LAMP1: variants seen among roughly 807,000 people sequenced by gnomAD.
The protein encoded by LAMP1 is lysosome-associated membrane glycoprotein 1.
Under a neutral mutation model 37.5 loss-of-function variants are expected in LAMP1, and 7 were observed. The ratio of observed to expected loss-of-function variants is 0.19; its 90% CI spans 0.11 to 0.35. LAMP1 has a LOEUF of 0.35. Among genes scored for constraint, LAMP1 ranks in the 10% least tolerant of loss-of-function variants. LAMP1 has a pLI of 1.00. For synonymous variants in LAMP1, 236 were observed against 229.1 expected, an observed-to-expected ratio of 1.03 and a Z score of -0.27; for missense variants, 537 against 552.8, an observed-to-expected ratio of 0.97 and a Z score of 0.29.
intron 1 of LAMP1, among the ~76,000 whole-genome samples, chr13:113,302,061 C>T (rs2042577720): frequency 6.7e-6 from 1 of 150,184 alleles, no homozygotes; most frequent in Admixed American, 6.6e-5. Flanking sequence ...AGGGTTTCTC[C>T]ATGTTTGGTC....
In LAMP1 at chr13:113,323,339, A is replaced by G. The variant is rs554014622; in HGVS notation, c.*918A>G. ...AATGTGAGATCGGTGCGTTCTCCTG[A>G]TGTTTTGCCGTGGCTTGGGGATTGT... On this transcript the variant is annotated 3_prime_UTR_variant, in exon 9 of 9. Transcript: ENST00000332556. The G allele has an allele frequency of 2.2e-4, 34 of 151,774 alleles. No individual in the cohort carries two copies. The highest frequency in any genetic ancestry group is 3.5e-4 in the Non-Finnish European group (24 of 67,928). The allele number at this position is 151,774 out of a possible 1,614,324, so 9.4% of individuals were successfully genotyped here.
chr13:113,301,638 AAAAAAAATATATATATATATAT>A (rs1428615560), intron 1 of LAMP1, among the ~76,000 whole-genome samples: 322 of 28,956 alleles, frequency 0.011, 19 homozygotes, highest in Middle Eastern at 0.031. Flanking sequence ...AAAAAAAAAA[AAAAAAAATATATATATATATAT>A]ATATATATAT....
chr13:113,298,671 A>G (rs2042555184), intron 1 of LAMP1, among the ~76,000 whole-genome samples: 1 of 152,232 alleles, frequency 6.6e-6, no homozygotes, highest in Non-Finnish European at 1.5e-5. Context: ...GAATAGCCAC[A>G]GAGATGAACT....
intron 1 of LAMP1, among the ~76,000 whole-genome samples, chr13:113,303,432 C>T (rs2042583834): frequency 6.6e-6 from 1 of 152,160 alleles, no homozygotes; most frequent in Non-Finnish European, 1.5e-5. Context: ...CCAGGGTGCC[C>T]ACCTTGGAGA....
intron 4 of LAMP1, among the ~76,000 whole-genome samples, chr13:113,312,895 T>A (rs1355564971): frequency 6.6e-6 from 1 of 152,046 alleles, no homozygotes; most frequent in Non-Finnish European, 1.5e-5. Flanking sequence ...GCGTAACACA[T>A]GGGGGTGACT....
At position 113,313,112 on chromosome 13, in the gene LAMP1, C is replaced by T. The variant is rs141769715; in HGVS notation, c.562+2245C>T. On this transcript the variant is annotated intron_variant, in intron 4 of 8. Coordinates refer to ENST00000332556, the MANE Select transcript of LAMP1 (RefSeq NM_005561.4). ...CACGGTTGCAGAACGTGTCTCCTCCCCATGTCGCTCTGTGACCGAGGGGTG... is the reference window on the plus strand; with the variant it reads ...CACGGTTGCAGAACGTGTCTCCTCCTCATGTCGCTCTGTGACCGAGGGGTG... Among the ~76,000 whole-genome samples the T allele has an allele frequency of 4.9e-3, 747 of 152,234 alleles. 3 individuals carry two copies. The highest frequency in any genetic ancestry group is 0.017 in the African/African-American group (701 of 41,538).
In LAMP1 at chr13:113,320,273, A is replaced by G; in HGVS notation, c.751-72A>G. On this transcript the variant is annotated intron_variant, in intron 5 of 8. Coordinates refer to ENST00000332556, the MANE Select transcript of LAMP1 (RefSeq NM_005561.4). The surrounding 1 kb of genome is among the most constrained non-coding windows in gnomAD (Gnocchi z 4.4). Reference sequence around the variant, plus strand: ...AATGTGGCCTTGAATTCACGGTTTCAGGACTGTTTGTCTTTTCGAGAGTGT... The same window carrying G: ...AATGTGGCCTTGAATTCACGGTTTCGGGACTGTTTGTCTTTTCGAGAGTGT... 1 of 1,579,904 alleles carries G rather than the reference A, an allele frequency of 6.3e-7. No individual in the cohort carries two copies. The highest frequency in any genetic ancestry group is 8.7e-7 in the Non-Finnish European group (1 of 1,152,368).
Position 113,319,364 on chromosome 13 carries a change from C to T in LAMP1, c.563-105C>T, listed in dbSNP as rs557942026. The T allele has an allele frequency of 7.4e-5, 75 of 1,011,894 alleles. 1 individual carries two copies. The Admixed American group carries it at 9.7e-4, about 13-fold the overall frequency. The allele number at this position is 1,011,894 out of a possible 1,614,324, so 62.7% of individuals were successfully genotyped here. A position where few individuals can be genotyped will look rare whatever the true frequency, so the allele number is the denominator to read the frequency against. On this transcript the variant is annotated intron_variant, in intron 4 of 8. Transcript: ENST00000332556. ...AGACTGAGAAAATAGTCACCAAGGA[C>T]GCCAGAGTCCACAGATGTAGTTTTG...
At chr13:113,311,795 T>C (rs529880647) in intron 4 of LAMP1, among the ~76,000 whole-genome samples, 1 of 152,310 alleles carries the variant, frequency 6.6e-6, no homozygotes, top group African/African-American at 2.4e-5. Context: ...ATGCAAAATG[T>C]GTATCTCAGC....
chr13:113,318,178 C>T (rs993140039), intron 4 of LAMP1, among the ~76,000 whole-genome samples: 3 of 152,188 alleles, frequency 2.0e-5, no homozygotes, highest in African/African-American at 7.2e-5. Flanking sequence ...GCTTTTACAC[C>T]GGGGTGCGGG....
In LAMP1 at chr13:113,297,474, C is replaced by A; in HGVS notation, c.40C>A (p.Leu14Ile). ...PGSARRPLLLLLLLLLLGLMH... is the reference protein window; with the variant it reads ...PGSARRPLLLILLLLLLGLMH... ...CAGCGCCCGGCGACCCCTGCTGCTG[C>A]TACTGCTGTTGCTGCTGCTCGGTGA... The change falls in exon 1 of 9, where the codon CTA (leucine) becomes ATA (isoleucine). Residue 14 changes from leucine to isoleucine, a missense_variant. By Grantham distance (5) the Leu-to-Ile change is conservative. Coordinates refer to ENST00000332556, the MANE Select transcript of LAMP1 (RefSeq NM_005561.4). This position sits in a 1 kb window ranked among gnomAD's most constrained non-coding sequence, Gnocchi z 4.4. The A allele has an allele frequency of 8.0e-7, 1 of 1,245,812 alleles. No homozygotes were observed. The highest frequency in any genetic ancestry group is 1.0e-6 in the Non-Finnish European group (1 of 993,390). 77.2% of individuals were successfully genotyped at this position (1,245,812 alleles called of 1,614,324 possible).
At chr13:113,310,394 C>T (rs184647234) in intron 3 of LAMP1, among the ~76,000 whole-genome samples, 266 of 152,018 alleles carry the variant, frequency 1.7e-3, no homozygotes, top group African/African-American at 6.1e-3. Context: ...GGCGTGGTGG[C>T]GCGCGCCTGT....
Position 113,309,630 on chromosome 13 carries a change from G to C in LAMP1, c.184-13G>C. The stretch of plus-strand genomic sequence containing the variant: ...CATCCCAATTGGGTTACATTTAATT[G>C]TGTTTATTCTAGAACATGACCTTTG... On this transcript the variant is annotated splice_polypyrimidine_tract_variant and intron_variant, in intron 2 of 8. Transcript: ENST00000332556. The C allele has an allele frequency of 6.3e-7, 1 of 1,592,548 alleles. No individual in the cohort carries two copies. Among genetic ancestry groups the C allele is most frequent in the Non-Finnish European group, 8.6e-7 (1 of 1,163,674 alleles).
Position 113,320,356 on chromosome 13 carries a change from G to T in LAMP1, c.762G>T (p.Arg254Ser). The T allele has an allele frequency of 6.2e-7, 1 of 1,614,012 alleles. No individual in the cohort carries two copies. ...YERKDNTTVTRLLNINPNKTS... is the reference protein window; with the variant it reads ...YERKDNTTVTSLLNINPNKTS... ...CTTGTCTTATGCAGACGGTGACAAG[G>T]CTTCTCAACATCAACCCCAACAAGA... Residue 254 changes from arginine to serine, a missense_variant, in exon 6 of 9, where the codon AGG becomes AGT. Transcript: ENST00000332556. The surrounding 1 kb of genome is among the most constrained non-coding windows in gnomAD (Gnocchi z 4.4).
Position 113,322,594 on chromosome 13 carries a change from C to T in LAMP1, c.*173C>T, listed in dbSNP as rs1337196013. 11 of 496,966 alleles carry T rather than the reference C, an allele frequency of 2.2e-5. No homozygotes were observed. The highest frequency in any genetic ancestry group is 8.0e-5 in the African/African-American group (4 of 49,786). The allele number at this position is 496,966 out of a possible 1,614,324, so 30.8% of individuals were successfully genotyped here. ...CACAACAGAGTAACTATCGAAATGACGGTGTTAATTTTGCTAACTGGGTTA... is the reference window on the plus strand; with the variant it reads ...CACAACAGAGTAACTATCGAAATGATGGTGTTAATTTTGCTAACTGGGTTA... On this transcript the variant is annotated 3_prime_UTR_variant, in exon 9 of 9. Transcript: ENST00000332556.
chr13:113,317,350 G>A (rs1595463016), intron 4 of LAMP1, among the ~76,000 whole-genome samples: 1 of 152,194 alleles, frequency 6.6e-6, no homozygotes, highest in East Asian at 1.9e-4. Flanking sequence ...ACGCATTCAG[G>A]GAAGGAGAGT....
chr13:113,318,204 G>A (rs887564546), intron 4 of LAMP1, among the ~76,000 whole-genome samples: 5 of 152,232 alleles, frequency 3.3e-5, no homozygotes, highest in African/African-American at 1.2e-4. Flanking sequence ...TCCTGTGTGT[G>A]TCTCAGAACC....
intron 1 of LAMP1, among the ~76,000 whole-genome samples, chr13:113,302,130 TG>T (rs2042578027): frequency 6.6e-6 from 1 of 152,184 alleles, no homozygotes; most frequent in Non-Finnish European, 1.5e-5. Flanking sequence ...CCCAAAGTGC[TG>T]GGATTACAGG....
In LAMP1 at chr13:113,322,367, C is replaced by CGG; in HGVS notation, c.1200_1201insGG (p.Ile401GlyfsTer72). 1 of 1,613,808 alleles carries CGG rather than the reference C, an allele frequency of 6.2e-7. No homozygotes were observed. The highest frequency in any genetic ancestry group is 8.5e-7 in the Non-Finnish European group (1 of 1,179,866). On this transcript the variant is annotated frameshift_variant, in exon 9 of 9. Coordinates refer to ENST00000332556, the MANE Select transcript of LAMP1 (RefSeq NM_005561.4). LOFTEE classifies it high-confidence loss of function. ...TGGCGGGGCTGGTCCTCATCGTCCT[C>CGG]ATCGCCTACCTCGTCGGCAGGAAGA...
Sources: allele counts gnomAD v4.1 joint callset (sites outside exome capture counted in the v4.1 genomes callset), GRCh38; gene constraint gnomAD v4.1.1; non-coding constraint Gnocchi (gnomAD v3.1); transcripts MANE v1.5; gene names NCBI Gene and HGNC (gene_info 2026-07-23, HGNC 2026-07-21).